SCLY: variants seen among roughly 807,000 people sequenced by gnomAD.
SCLY encodes putative selenocysteine lyase.
Under a neutral mutation model 50.1 loss-of-function variants are expected in SCLY, and 38 were observed. The observed-to-expected ratio is 0.76, with a 90% CI of 0.59 to 0.99. The LOEUF is 0.99. Among genes scored for constraint, SCLY ranks in the 50% least tolerant of loss-of-function variants. The pLI is 0.00. For synonymous variants in SCLY, 243 were observed against 249.4 expected (o/e 0.97, Z 0.24); for missense variants, 600 against 620.0 (o/e 0.97, Z 0.34).
chr2:238,075,950 G>C (rs1196918169), intron 4 of SCLY, among the ~76,000 whole-genome samples: 1 of 151,552 alleles, frequency 6.6e-6, no homozygotes, highest in Non-Finnish European at 1.5e-5. Context: ...TTGAGCAGTA[G>C]GATATAAATA....
chr2:238,096,013 T>G (rs1195955937), intron 10 of SCLY: 5 of 152,516 alleles, frequency 3.3e-5, no homozygotes, highest in African/African-American at 1.2e-4. Flanking sequence ...GTTCAAGCGA[T>G]TCTCCTGCCT....
At chr2:238,086,053 T>C (rs1265886840) in intron 7 of SCLY, among the ~76,000 whole-genome samples, 1 of 152,238 alleles carries the variant, frequency 6.6e-6, no homozygotes, top group Non-Finnish European at 1.5e-5. Context: ...AGAATTTGGA[T>C]GACTGAATTT....
chr2:238,096,798 C>T lies in SCLY; in HGVS notation c.1109-3C>T. On this transcript the variant is annotated splice_polypyrimidine_tract_variant and splice_region_variant and intron_variant, in intron 10 of 11. Coordinates refer to ENST00000254663, the MANE Select transcript of SCLY (RefSeq NM_016510.7). ...CTCAGGGGCATGTGCTCTGTCTCCG[C>T]AGGCCACGTGGTGCTTGCGCAGTGC... 1 of 1,607,990 alleles carries T rather than the reference C, an allele frequency of 6.2e-7. No homozygotes were observed. Among genetic ancestry groups the T allele is most frequent in the Non-Finnish European group, 8.5e-7 (1 of 1,177,776 alleles).
chr2:238,098,607 G>T lies in SCLY; in HGVS notation c.*252G>T, dbSNP rs113063625. ...CGCCCACATAGGACCGCCCACATAG[G>T]ACCGCCCACATGGGACCGCCCACAT... On this transcript the variant is annotated 3_prime_UTR_variant, in exon 12 of 12. Coordinates refer to ENST00000254663, the MANE Select transcript of SCLY (RefSeq NM_016510.7). 5 of 371,742 alleles carry T rather than the reference G, an allele frequency of 1.3e-5. No homozygotes were observed. The highest frequency in any genetic ancestry group is 2.3e-5 in the Non-Finnish European group (5 of 217,844). The allele number at this position is 371,742 out of a possible 1,614,324, so 23.0% of individuals were successfully genotyped here.
At position 238,068,108 on chromosome 2, in the gene SCLY, C is replaced by T. The variant is rs1373983645; in HGVS notation, c.246C>T (p.Leu82=). 6.2e-6 allele frequency: 10 copies of T among 1,612,006 alleles called. No individual in the cohort carries two copies. The highest frequency in any genetic ancestry group is 4.5e-5 in the East Asian group (2 of 44,780). The change falls in exon 3 of 12, where the codon CTC becomes CTT. Residue 82 remains leucine, a synonymous_variant. Coordinates refer to ENST00000254663, the MANE Select transcript of SCLY (RefSeq NM_016510.7). Reference sequence around the variant, plus strand: ...TTATAAATGCAGCTCGGGAAAGCCTCGCGAAGATGATAGGGGGGAAACCTC... The same window carrying T: ...TTATAAATGCAGCTCGGGAAAGCCTTGCGAAGATGATAGGGGGGAAACCTC... The part of the protein sequence containing the change: ...KDIINAARES[L]AKMIGGKPQD...
chr2:238,069,207 C>T lies in SCLY; in HGVS notation c.304-90C>T. On this transcript the variant is annotated intron_variant, in intron 3 of 11. Coordinates refer to ENST00000254663, the MANE Select transcript of SCLY (RefSeq NM_016510.7). The surrounding 1 kb of genome is among the most constrained non-coding windows in gnomAD (Gnocchi z 5.0). ...TTCTTTGAAGCTTTTTTGATGTTAGCCACAAAAGAAATTAAGTAACAGAAA... is the reference window on the plus strand; with the variant it reads ...TTCTTTGAAGCTTTTTTGATGTTAGTCACAAAAGAAATTAAGTAACAGAAA... 1 of 1,200,028 alleles carries T rather than the reference C, an allele frequency of 8.3e-7. No individual in the cohort carries two copies. The highest frequency in any genetic ancestry group is 1.6e-5 in the African/African-American group (1 of 63,988). The allele number at this position is 1,200,028 out of a possible 1,614,324, so 74.3% of individuals were successfully genotyped here. A position where few individuals can be genotyped will look rare whatever the true frequency, so the allele number is the denominator to read the frequency against.
In SCLY at chr2:238,067,478, C is replaced by T. The variant is rs1487713626; in HGVS notation, c.203-587C>T. 6.6e-6 allele frequency among the ~76,000 whole-genome samples: 1 copy of T among 152,208 alleles called. No homozygotes were observed. On this transcript the variant is annotated intron_variant, in intron 2 of 11. Transcript: ENST00000254663. This position sits in a 1 kb window ranked among gnomAD's most constrained non-coding sequence, Gnocchi z 4.3. ...TGCCAGAGCCTTTCCTTCTTTGCCC[C>T]ATCAAGCATGGTTGCTGTGTTTTCC...
At position 238,094,467 on chromosome 2, in the gene SCLY, C is replaced by T; in HGVS notation, c.1053C>T (p.Gly351=). ...KRIHLNSQFP[G]TQRLPNTCNF... ...TCCATCTGAATAGCCAGTTTCCAGGCACCCAGCGGCTTCCCAATACCTGTA... is the reference window on the plus strand; with the variant it reads ...TCCATCTGAATAGCCAGTTTCCAGGTACCCAGCGGCTTCCCAATACCTGTA... Residue 351 remains glycine, a synonymous_variant, in exon 10 of 12, where the codon GGC becomes GGT. Coordinates refer to ENST00000254663, the MANE Select transcript of SCLY (RefSeq NM_016510.7). 2 of 1,614,202 alleles carry T rather than the reference C, an allele frequency of 1.2e-6. No homozygotes were observed. Among genetic ancestry groups the T allele is most frequent in the African/African-American group, 1.3e-5 (1 of 75,052 alleles).
chr2:238,068,818 A>G (rs1462079296), intron 3 of SCLY, among the ~76,000 whole-genome samples: 1 of 152,204 alleles, frequency 6.6e-6, no homozygotes, highest in Non-Finnish European at 1.5e-5. Flanking sequence ...TAACCTTTAT[A>G]CACACTATTT....
intron 8 of SCLY, chr2:238,091,540 G>GA: frequency 6.4e-5 from 23 of 358,286 alleles, no homozygotes; most frequent in Middle Eastern, 8.0e-4. Context: ...GTGTCAAGCT[G>GA]CAGGTTCACC....
intron 11 of SCLY, 77 bp from the exon 12 acceptor site, chr2:238,098,125 G>A: frequency 6.6e-7 from 1 of 1,525,516 alleles, no homozygotes; most frequent in Non-Finnish European, 8.8e-7. Flanking sequence ...CACTAGGGGA[G>A]TGGTCCAGAG....
chr2:238,071,250 A>G (rs890370215), intron 4 of SCLY, among the ~76,000 whole-genome samples: 1 of 152,262 alleles, frequency 6.6e-6, no homozygotes, highest in Non-Finnish European at 1.5e-5. Flanking sequence ...AAAATTGTAC[A>G]ATTTAAAAAA....
chr2:238,087,457 T>G (rs1440738290), intron 7 of SCLY, among the ~76,000 whole-genome samples: 2 of 152,200 alleles, frequency 1.3e-5, no homozygotes, highest in Non-Finnish European at 2.9e-5. Flanking sequence ...TCACTTGATA[T>G]AAAATAGATC....
chr2:238,062,305 A>G (rs1400144934), intron 1 of SCLY, among the ~76,000 whole-genome samples: 1 of 152,204 alleles, frequency 6.6e-6, no homozygotes, highest in East Asian at 1.9e-4. Flanking sequence ...GGCACATGCA[A>G]AGTCAAGCCG....
Position 238,064,412 on chromosome 2 carries a change from G to A in SCLY, c.145G>A (p.Ala49Thr). 1.9e-6 allele frequency: 3 copies of A among 1,611,468 alleles called. No individual in the cohort carries two copies. Among genetic ancestry groups the A allele is most frequent in the Non-Finnish European group, 1.7e-6 (2 of 1,179,078 alleles). The change falls in exon 2 of 12, where the codon GCC (alanine) becomes ACC (threonine). Residue 49 changes from alanine to threonine, a missense_variant. Transcript: ENST00000254663. ...TTPLEPEVIQ[A>T]MTKAMWEAWG... ...TCCCCTGGAGCCAGAAGTTATCCAGGCCATGACCAAGGCCATGTGGGAAGC... is the reference window on the plus strand; with the variant it reads ...TCCCCTGGAGCCAGAAGTTATCCAGACCATGACCAAGGCCATGTGGGAAGC...
chr2:238,095,070 G>A (rs892176060), intron 10 of SCLY, among the ~76,000 whole-genome samples: 1 of 152,128 alleles, frequency 6.6e-6, no homozygotes, highest in African/African-American at 2.4e-5. Flanking sequence ...AGGCATAGTG[G>A]TGTGCACCTG....
intron 1 of SCLY, among the ~76,000 whole-genome samples, chr2:238,062,499 G>T (rs2065027685): frequency 6.6e-6 from 1 of 151,640 alleles, no homozygotes; most frequent in Non-Finnish European, 1.5e-5. Flanking sequence ...AACATCCACT[G>T]CCCGGGTTCA....
chr2:238,067,353 C>T lies in SCLY; in HGVS notation c.203-712C>T, dbSNP rs146111618. Among the ~76,000 whole-genome samples the T allele has an allele frequency of 2.6e-4, 40 of 152,332 alleles. 1 individual carries two copies. Among genetic ancestry groups the T allele is most frequent in the Admixed American group, 1.8e-3 (27 of 15,306 alleles). On this transcript the variant is annotated intron_variant, in intron 2 of 11. Coordinates refer to ENST00000254663, the MANE Select transcript of SCLY (RefSeq NM_016510.7). The surrounding 1 kb of genome is among the most constrained non-coding windows in gnomAD (Gnocchi z 4.3). ...AGTATATGTTTTAGCGGTGCCTGCTCAATTTTTTCTTATTTTTAAATAAGA... is the reference window on the plus strand; with the variant it reads ...AGTATATGTTTTAGCGGTGCCTGCTTAATTTTTTCTTATTTTTAAATAAGA...
intron 2 of SCLY, 21 bp from the exon 3 acceptor site, chr2:238,068,043 AT>A (rs1352603763): frequency 1.3e-6 from 2 of 1,565,450 alleles, no homozygotes; most frequent in Non-Finnish European, 1.8e-6. Flanking sequence ...ATGTTAATGA[AT>A]TTCCTTTTTG....
Sources: allele counts gnomAD v4.1 joint callset (sites outside exome capture counted in the v4.1 genomes callset), GRCh38; gene constraint gnomAD v4.1.1; non-coding constraint Gnocchi (gnomAD v3.1); transcripts MANE v1.5; gene names NCBI Gene and HGNC (gene_info 2026-07-23, HGNC 2026-07-21).